DPP6: variants seen among roughly 807,000 people sequenced by gnomAD.
DPP6 encodes the protein dipeptidyl peptidase like 6, also known as A-type potassium channel modulatory protein DPP6.
DPP6 carries 69 observed loss-of-function variants against 122.6 expected under a neutral mutation model. The observed-to-expected ratio is 0.56, with a 90% CI of 0.46 to 0.69. The LOEUF is 0.69. DPP6 is among the 30% of genes least tolerant of loss of function. The pLI, the probability that DPP6 is intolerant of heterozygous loss-of-function variation, is 0.00. For missense variants in DPP6, 928 were observed against 1,116.9 expected (o/e 0.83, Z 2.41); for synonymous variants, 418 against 433.1 (o/e 0.97, Z 0.43).
intron 1 of DPP6, among the ~76,000 whole-genome samples, chr7:154,313,685 G>GTGTA: frequency 0.044 from 889 of 20,290 alleles, 31 homozygotes; most frequent in Middle Eastern, 0.071. Flanking sequence ...TTAAGATATG[G>GTGTA]TATATATATA....
chr7:154,029,632 G>A (rs1418135425), intron 1 of DPP6, among the ~76,000 whole-genome samples: 6 of 144,102 alleles, frequency 4.2e-5, no homozygotes, highest in Non-Finnish European at 7.6e-5. Flanking sequence ...GGATCATGAG[G>A]TCAGGAGATC....
chr7:154,634,033 T>G (rs1411325025), intron 5 of DPP6, among the ~76,000 whole-genome samples: 2 of 151,840 alleles, frequency 1.3e-5, no homozygotes, highest in Non-Finnish European at 2.9e-5. Flanking sequence ...TAATTATACT[T>G]TAAGTTTTAG....
upstream of DPP6, among the ~76,000 whole-genome samples, chr7:153,886,166 T>C (rs2128990793): frequency 6.8e-6 from 1 of 147,670 alleles, no homozygotes; most frequent in Non-Finnish European, 1.5e-5. Flanking sequence ...CTGATGTGTC[T>C]ATCAGCTCTG....
At chr7:153,860,871 A>C in the DPP6 span, among the ~76,000 whole-genome samples, 1 of 152,228 alleles carries the variant, frequency 6.6e-6, no homozygotes, top group Non-Finnish European at 1.5e-5. Context: ...AGAGACACAC[A>C]AATACACACC....
chr7:154,749,799 AAG>A lies in DPP6; in HGVS notation c.884-19613_884-19612del, dbSNP rs373186467. On this transcript the variant is annotated intron_variant, in intron 8 of 25. Coordinates refer to ENST00000377770, the MANE Select transcript of DPP6 (RefSeq NM_130797.4). ...GAGGGTGAGAGAGCATAGGACGGGA[AAG>A]AGAGGGATGGAGGCTTTACTGTGAG... is the stretch of plus-strand genomic sequence containing the variant. Among the ~76,000 whole-genome samples the A allele has an allele frequency of 5.4e-4, 14 of 26,004 alleles. 1 individual carries two copies. In the South Asian group the frequency reaches 0.019, roughly 35 times the overall value. The allele number at this position is 26,004 out of a possible 152,430, so 17.1% of individuals were successfully genotyped here. A position where few individuals can be genotyped will look rare whatever the true frequency, so the allele number is the denominator to read the frequency against.
intron 1 of DPP6, among the ~76,000 whole-genome samples, chr7:154,236,690 A>G (rs1187251913): frequency 2.0e-5 from 3 of 152,182 alleles, no homozygotes; most frequent in Admixed American, 6.5e-5. Flanking sequence ...GCCTCAGCCT[A>G]TAATCAGATT....
chr7:154,379,618 A>T (rs542593980), intron 1 of DPP6, among the ~76,000 whole-genome samples: 2 of 152,358 alleles, frequency 1.3e-5, no homozygotes, highest in African/African-American at 4.8e-5. Context: ...AGCATTGTGG[A>T]TATAGAAAAG....
the DPP6 span, among the ~76,000 whole-genome samples, chr7:153,822,270 A>G: frequency 6.8e-6 from 1 of 147,162 alleles, no homozygotes; most frequent in South Asian, 2.2e-4. Flanking sequence ...GCTCACTGCA[A>G]GCTCCACCTC....
chr7:154,073,053 G>T (rs1353530053), intron 1 of DPP6, among the ~76,000 whole-genome samples: 1 of 152,312 alleles, frequency 6.6e-6, no homozygotes, highest in East Asian at 1.9e-4. Flanking sequence ...CTGCCATCTC[G>T]GGCCAATATC....
chr7:154,887,561 G>A (rs1164762947), intron 22 of DPP6, 115 bp from the exon 23 acceptor site: 5 of 986,200 alleles, frequency 5.1e-6, no homozygotes, highest in African/African-American at 3.2e-5. Context: ...TGGCAAGTGG[G>A]AATGAGCCTG....
chr7:154,839,478 C>T (rs116833431), intron 16 of DPP6, among the ~76,000 whole-genome samples: 10 of 152,208 alleles, frequency 6.6e-5, no homozygotes, highest in African/African-American at 2.2e-4. Context: ...CCTGTTTATT[C>T]CTCTGTGAAA....
chr7:154,753,735 G>A (rs888734766), intron 8 of DPP6, among the ~76,000 whole-genome samples: 1 of 152,194 alleles, frequency 6.6e-6, no homozygotes, highest in Non-Finnish European at 1.5e-5. Context: ...GGTCAGGAGT[G>A]GCTCAGCCCT....
At chr7:153,975,764 C>T (rs1461461696) in intron 1 of DPP6, among the ~76,000 whole-genome samples, 3 of 152,068 alleles carry the variant, frequency 2.0e-5, no homozygotes, top group Non-Finnish European at 4.4e-5. Flanking sequence ...GAAAATATGA[C>T]AAAAGCAATA....
chr7:154,430,905 GT>G (rs923915764), intron 1 of DPP6, among the ~76,000 whole-genome samples: 9 of 29,220 alleles, frequency 3.1e-4, no homozygotes, highest in Non-Finnish European at 9.6e-4. Context: ...CTTTCGTTAA[GT>G]TAAGTCTTCC....
At chr7:154,748,381 T>C (rs1587010283) in intron 8 of DPP6, among the ~76,000 whole-genome samples, 1 of 152,202 alleles carries the variant, frequency 6.6e-6, no homozygotes, top group Non-Finnish European at 1.5e-5. Context: ...TCTCCGGGTC[T>C]GGGCACAGCC....
intron 1 of DPP6, among the ~76,000 whole-genome samples, chr7:154,345,995 G>A (rs1810363769): frequency 6.6e-6 from 1 of 152,186 alleles, no homozygotes; most frequent in Non-Finnish European, 1.5e-5. Flanking sequence ...TAGGGAGCAA[G>A]GTGAGCCGAT....
At chr7:154,643,109 CTT>C (rs1191839628) in intron 6 of DPP6, among the ~76,000 whole-genome samples, 1 of 152,136 alleles carries the variant, frequency 6.6e-6, no homozygotes, top group African/African-American at 2.4e-5. Flanking sequence ...ATACAATTCT[CTT>C]TAATAATTTT....
intron 1 of DPP6, among the ~76,000 whole-genome samples, chr7:153,918,609 TCTC>T (rs1800485349): frequency 1.6e-5 from 1 of 62,988 alleles, no homozygotes. Flanking sequence ...TCTCTCTCTC[TCTC>T]TCTCTCTGTC....
the DPP6 span, among the ~76,000 whole-genome samples, chr7:153,854,981 C>T: frequency 6.9e-5 from 10 of 144,546 alleles, no homozygotes; most frequent in African/African-American, 2.6e-4. Context: ...AGTAAACTAT[C>T]ACAAGAACAA....
Sources: gnomAD v4.1 joint callset for allele counts (sites outside exome capture counted in the v4.1 genomes callset) on GRCh38, gnomAD v4.1.1 for gene constraint, MANE v1.5 for transcripts, NCBI Gene and HGNC (gene_info 2026-07-23, HGNC 2026-07-21) for gene names.